The following INPP5A variants were observed in gnomAD, a reference collection of about 807,000 sequenced individuals.
The protein encoded by INPP5A is inositol polyphosphate-5-phosphatase A, also known as 43 kDa inositol polyphosphate 5-phophatase.
INPP5A carries 14 observed loss-of-function variants against 65.2 expected under a neutral mutation model. The observed-to-expected ratio is 0.21, with a 90% CI of 0.14 to 0.34. INPP5A has a LOEUF of 0.34. Among genes scored for constraint, INPP5A ranks in the 10% least tolerant of loss-of-function variants. The pLI, the probability that INPP5A is intolerant of heterozygous loss-of-function variation, is 1.00. For missense variants in INPP5A, 431 were observed against 545.6 expected (o/e 0.79, Z 2.09); for synonymous variants, 207 against 208.3 (o/e 0.99, Z 0.05).
Position 132,545,819 on chromosome 10 carries a change from C to A in INPP5A, c.75+7648C>A, listed in dbSNP as rs2070962192. Among the ~76,000 whole-genome samples the A allele has an allele frequency of 6.6e-6, 1 of 152,230 alleles. No individual in the cohort carries two copies. The highest frequency in any genetic ancestry group is 2.1e-4 in the South Asian group (1 of 4,834). ...TCAGATCTGGCGTTTTCCAAGCTCC[C>A]CCTGCTTTGTGGAGCTCTGAGCGCT... On this transcript the variant is annotated intron_variant, in intron 1 of 15. Coordinates refer to ENST00000368594, the MANE Select transcript of INPP5A (RefSeq NM_005539.5). The surrounding 1 kb of genome is among the most constrained non-coding windows in gnomAD (Gnocchi z 4.6).
Position 132,782,100 on chromosome 10 carries a change from C to G in INPP5A, c.*71C>G. On this transcript the variant is annotated 3_prime_UTR_variant, in exon 16 of 16. Coordinates refer to ENST00000368594, the MANE Select transcript of INPP5A (RefSeq NM_005539.5). The surrounding 1 kb of genome is among the most constrained non-coding windows in gnomAD (Gnocchi z 4.4). ...CCTCCCTGTAGCCGTGGACCGAATA[C>G]GCACTCTTGAAAGCTGCATCGAGAA... 2 of 1,538,480 alleles carry G rather than the reference C, an allele frequency of 1.3e-6. No homozygotes were observed. Among genetic ancestry groups the G allele is most frequent in the South Asian group, 1.2e-5 (1 of 83,636 alleles).
intron 2 of INPP5A, among the ~76,000 whole-genome samples, chr10:132,631,304 G>A (rs2072270269): frequency 1.3e-5 from 2 of 152,158 alleles, no homozygotes. Context: ...CCTGGGTCTG[G>A]TTGGTCACAA....
chr10:132,556,559 C>A (rs539791921), intron 1 of INPP5A, among the ~76,000 whole-genome samples: 1 of 152,314 alleles, frequency 6.6e-6, no homozygotes, highest in East Asian at 1.9e-4. Context: ...GCACAACATA[C>A]ATATACATAC....
intron 3 of INPP5A, among the ~76,000 whole-genome samples, chr10:132,649,564 C>A (rs565495788): frequency 1.3e-5 from 2 of 152,232 alleles, no homozygotes; most frequent in African/African-American, 4.8e-5. Context: ...TCAAGGCATT[C>A]TTTGCCTTGC....
rs1030270224 is a variant in INPP5A at position 132,578,801 on chromosome 10, C to T, written c.76-29114C>T. ...GCTCCAGGAGAGGAGAGGAGACTCTCGACGGTGGGCAGCCCCAGGGAATGG... is the reference window on the plus strand; with the variant it reads ...GCTCCAGGAGAGGAGAGGAGACTCTTGACGGTGGGCAGCCCCAGGGAATGG... On this transcript the variant is annotated intron_variant, in intron 1 of 15. Transcript: ENST00000368594. Among the ~76,000 whole-genome samples, 6 of 151,488 alleles carry T rather than the reference C, an allele frequency of 4.0e-5. 1 individual carries two copies. The highest frequency in any genetic ancestry group is 7.4e-5 in the Non-Finnish European group (5 of 67,842).
rs556142794 is a variant in INPP5A, at chr10:132,656,856, G to T, written c.306+6351G>T. ...CTTCCCTATGCAGCAGGGCTCCACA[G>T]GCCTGGGCACTCAGCCCAGATGGTG... On this transcript the variant is annotated intron_variant, in intron 4 of 15. Coordinates refer to ENST00000368594, the MANE Select transcript of INPP5A (RefSeq NM_005539.5). 6.6e-5 allele frequency among the ~76,000 whole-genome samples: 10 copies of T among 152,344 alleles called. No homozygotes were observed. In the East Asian group the frequency reaches 1.9e-3, roughly 29 times the overall value.
rs899465529 is a variant in INPP5A at position 132,741,282 on chromosome 10, T to A, written c.733-8235T>A. On this transcript the variant is annotated intron_variant, in intron 9 of 15. Coordinates refer to ENST00000368594, the MANE Select transcript of INPP5A (RefSeq NM_005539.5). This position sits in a 1 kb window ranked among gnomAD's most constrained non-coding sequence, Gnocchi z 4.4. ...AATAAAAAAAGGGACACCGCCTGTC[T>A]TGGGTTGACAGCATGAGATGGGCTG... Among the ~76,000 whole-genome samples, 5 of 152,282 alleles carry A rather than the reference T, an allele frequency of 3.3e-5. No homozygotes were observed. The highest frequency in any genetic ancestry group is 1.2e-4 in the African/African-American group (5 of 41,548).
At chr10:132,694,833 A>G (rs920387069) in intron 5 of INPP5A, among the ~76,000 whole-genome samples, 6 of 152,224 alleles carry the variant, frequency 3.9e-5, no homozygotes, top group Admixed American at 3.9e-4. Context: ...GAAAACTCAT[A>G]AAAGGAAAAC....
intron 2 of INPP5A, among the ~76,000 whole-genome samples, chr10:132,631,826 A>G (rs1344802975): frequency 2.6e-5 from 4 of 152,270 alleles, no homozygotes; most frequent in Non-Finnish European, 4.4e-5. Context: ...CAAGGACACT[A>G]TAATAAAACA....
At chr10:132,561,658 A>G (rs1036560124) in intron 1 of INPP5A, among the ~76,000 whole-genome samples, 23 of 151,352 alleles carry the variant, frequency 1.5e-4, no homozygotes, top group Non-Finnish European at 2.7e-4. Flanking sequence ...TTTATTCAAG[A>G]TTGTTTTGAC....
chr10:132,781,484 G>A (rs935007003), intron 14 of INPP5A, among the ~76,000 whole-genome samples: 2 of 152,218 alleles, frequency 1.3e-5, no homozygotes, highest in African/African-American at 4.8e-5. Context: ...AAACACACCC[G>A]GATAAGACGC....
At chr10:132,708,242 GGTGT>G (rs1462485420) in intron 6 of INPP5A, 67 bp from the exon 7 acceptor site, 12 of 1,346,028 alleles carry the variant, frequency 8.9e-6, no homozygotes, top group Non-Finnish European at 1.3e-5. Flanking sequence ...GTGTCCTTTA[GGTGT>G]GTGGGACCCA....
intron 12 of INPP5A, among the ~76,000 whole-genome samples, chr10:132,776,047 G>A (rs1216351618): frequency 2.0e-5 from 3 of 151,934 alleles, no homozygotes; most frequent in Non-Finnish European, 4.4e-5. Context: ...GCAGGCCCCT[G>A]CCTGCATCCA....
intron 1 of INPP5A, among the ~76,000 whole-genome samples, chr10:132,602,401 T>A (rs1029102469): frequency 3.3e-5 from 5 of 152,094 alleles, no homozygotes; most frequent in African/African-American, 1.2e-4. Context: ...TTCGGGTGAT[T>A]CTCCTGCCTC....
At chr10:132,539,116 C>A (rs11818345) in intron 1 of INPP5A, among the ~76,000 whole-genome samples, 33,060 of 151,960 alleles carry the variant, frequency 0.22, 4,210 homozygotes, top group African/African-American at 0.35. Flanking sequence ...GTCTTAAAGC[C>A]TGGGCCTTGA....
At position 132,675,364 on chromosome 10, in the gene INPP5A, G is replaced by A. The variant is rs2072948763; in HGVS notation, c.307-15028G>A. Among the ~76,000 whole-genome samples, 1 of 152,220 alleles carries A rather than the reference G, an allele frequency of 6.6e-6. No homozygotes were observed. The highest frequency in any genetic ancestry group is 1.5e-5 in the Non-Finnish European group (1 of 68,044). On this transcript the variant is annotated intron_variant, in intron 4 of 15. Transcript: ENST00000368594. This position sits in a 1 kb window ranked among gnomAD's most constrained non-coding sequence, Gnocchi z 4.2. ...TTTTAACTCAAATGAAAAACAGTAAGTACTAACGGATGTTCTTCAAGCGGA... is the reference window on the plus strand; with the variant it reads ...TTTTAACTCAAATGAAAAACAGTAAATACTAACGGATGTTCTTCAAGCGGA...
Position 132,708,342 on chromosome 10 carries a change from G to A in INPP5A, c.504G>A (p.Arg168=), listed in dbSNP as rs886953516. The A allele has an allele frequency of 6.2e-7, 1 of 1,614,194 alleles. No individual in the cohort carries two copies. Among genetic ancestry groups the A allele is most frequent in the Non-Finnish European group, 8.5e-7 (1 of 1,180,010 alleles). The change falls in exon 7 of 16, where the codon CGG becomes CGA. Residue 168 remains arginine, a synonymous_variant. Coordinates refer to ENST00000368594, the MANE Select transcript of INPP5A (RefSeq NM_005539.5). ...AATGGTCAAGAAAAGGCTTCATCCGGACGAGGTGGTGCATTGCAGACTGGT... is the reference window on the plus strand; with the variant it reads ...AATGGTCAAGAAAAGGCTTCATCCGAACGAGGTGGTGCATTGCAGACTGGT... ...ECKWSRKGFI[R]TRWCIADCAF...
At chr10:132,720,908 G>A (rs1324930157) in intron 8 of INPP5A, among the ~76,000 whole-genome samples, 3 of 150,142 alleles carry the variant, frequency 2.0e-5, no homozygotes, top group Non-Finnish European at 3.0e-5. Flanking sequence ...GCCTTAGACG[G>A]CTGTCTTGCG....
intron 2 of INPP5A, among the ~76,000 whole-genome samples, chr10:132,632,704 A>G (rs907175417): frequency 3.9e-5 from 6 of 152,362 alleles, no homozygotes; most frequent in South Asian, 2.1e-4. Context: ...ATCAAATTAT[A>G]TAAACCTGTA....
Sources: allele counts gnomAD v4.1 joint callset (sites outside exome capture counted in the v4.1 genomes callset), GRCh38; gene constraint gnomAD v4.1.1; non-coding constraint Gnocchi (gnomAD v3.1); transcripts MANE v1.5; gene names NCBI Gene and HGNC (gene_info 2026-07-23, HGNC 2026-07-21).